The following CCR5AS variants were observed in gnomAD, a reference collection of about 807,000 sequenced individuals.
The protein encoded by CCR5AS is CCR5 antisense RNA.
intron 3 of CCR5AS, among the ~76,000 whole-genome samples, chr3:46,368,881 G>C (rs1236388039): frequency 1.3e-5 from 2 of 152,152 alleles, no homozygotes; most frequent in Non-Finnish European, 2.9e-5. Context: ...AGCTCTGCAT[G>C]GTGAAAGTAA....
chr3:46,374,246 C>T lies in CCR5AS; in HGVS notation n.392-2829G>A, dbSNP rs570782804. ...TTATTGACAAACTCTCCCTTCACTCCGAAAGTTCCTTATGTATATTTAAAA... is the reference window on the plus strand; with the variant it reads ...TTATTGACAAACTCTCCCTTCACTCTGAAAGTTCCTTATGTATATTTAAAA... On this transcript the variant is annotated intron_variant and non_coding_transcript_variant, in intron 2 of 3. Transcript: ENST00000451485. 35 of 288,492 alleles carry T rather than the reference C, an allele frequency of 1.2e-4. No homozygotes were observed. In the South Asian group the frequency reaches 4.2e-3, roughly 35 times the overall value. 17.9% of individuals were successfully genotyped at this position (288,492 alleles called of 1,614,324 possible).
intron 3 of CCR5AS, among the ~76,000 whole-genome samples, chr3:46,367,546 T>A (rs1415755226): frequency 6.6e-6 from 1 of 152,154 alleles, no homozygotes; most frequent in Non-Finnish European, 1.5e-5. Context: ...ACAATGAGCA[T>A]GTGTTGGTTT....
At position 46,396,152 on chromosome 3, in the gene CCR5AS, A is replaced by G. The variant is rs1002178465; in HGVS notation, n.164-3100T>C. ...TAAAGGGAATATTTTTTAAATGAGG[A>G]TGCTACTTTGTGTATTAATTTTTAC... is the stretch of plus-strand genomic sequence containing the variant. On this transcript the variant is annotated intron_variant and non_coding_transcript_variant, in intron 1 of 3. Transcript: ENST00000451485. 3.3e-5 allele frequency among the ~76,000 whole-genome samples: 5 copies of G among 152,286 alleles called. No individual in the cohort carries two copies. The South Asian group carries it at 1.0e-3, about 32-fold the overall frequency.
chr3:46,386,125 A>C (rs111669359), intron 2 of CCR5AS, among the ~76,000 whole-genome samples: 20,345 of 151,892 alleles, frequency 0.13, 1,526 homozygotes, highest in Non-Finnish European at 0.15. Context: ...CATGTTCCCC[A>C]GGCTGGTCTT....
intron 2 of CCR5AS, chr3:46,372,977 G>A (rs759590067): frequency 5.0e-6 from 8 of 1,613,576 alleles, no homozygotes; most frequent in Admixed American, 1.7e-5. Flanking sequence ...AAATCAATGT[G>A]AAGCAAATCG....
chr3:46,366,764 A>T (rs907112694), intron 3 of CCR5AS, among the ~76,000 whole-genome samples: 1 of 152,228 alleles, frequency 6.6e-6, no homozygotes, highest in Admixed American at 6.5e-5. Context: ...CATAAGACTC[A>T]AGTGTCATTG....
intron 3 of CCR5AS, chr3:46,370,825 T>C (rs200298802): frequency 1.7e-4 from 26 of 152,206 alleles, no homozygotes; most frequent in African/African-American, 6.3e-4. Context: ...AAAGAAGAAC[T>C]GTTCTCTGAT....
chr3:46,373,119 G>T, intron 2 of CCR5AS: 1 of 1,614,104 alleles, frequency 6.2e-7, no homozygotes, highest in Non-Finnish European at 8.5e-7. Flanking sequence ...GCTCAACCTG[G>T]CCATCTCTGA....
chr3:46,365,392 G>A (rs1327210899), intron 3 of CCR5AS, among the ~76,000 whole-genome samples: 1 of 152,146 alleles, frequency 6.6e-6, no homozygotes, highest in Non-Finnish European at 1.5e-5. Flanking sequence ...AGCATTTTTA[G>A]CAATACAATA....
At chr3:46,379,319 A>G (rs1701792519) in intron 2 of CCR5AS, among the ~76,000 whole-genome samples, 1 of 151,708 alleles carries the variant, frequency 6.6e-6, no homozygotes, top group Non-Finnish European at 1.5e-5. Flanking sequence ...ATGGTTTCCA[A>G]TTTCATCCAT....
chr3:46,395,354 A>C (rs1252894286), intron 1 of CCR5AS, among the ~76,000 whole-genome samples: 1 of 152,144 alleles, frequency 6.6e-6, no homozygotes. Context: ...CTGGGGTCAC[A>C]GGCAGTGGAT....
intron 3 of CCR5AS, among the ~76,000 whole-genome samples, chr3:46,369,984 G>T (rs1000545693): frequency 6.6e-6 from 1 of 152,124 alleles, no homozygotes. Flanking sequence ...CTTGTGGCTC[G>T]GGAGTAGCTC....
chr3:46,384,693 A>G (rs1487342043), intron 2 of CCR5AS, among the ~76,000 whole-genome samples: 2 of 152,164 alleles, frequency 1.3e-5, no homozygotes, highest in Admixed American at 6.6e-5. Context: ...GCTGCAGTTG[A>G]ATAAGGATTA....
chr3:46,373,938 C>A (rs1377266303), intron 2 of CCR5AS: 1 of 1,572,314 alleles, frequency 6.4e-7, no homozygotes, highest in Non-Finnish European at 8.7e-7. Flanking sequence ...CACTGGGGAG[C>A]AGGAAATATC....
At chr3:46,368,145 C>T (rs3136536) in intron 3 of CCR5AS, among the ~76,000 whole-genome samples, 7,154 of 152,204 alleles carry the variant, frequency 0.047, 542 homozygotes, top group African/African-American at 0.16. Context: ...AACATAGGTG[C>T]AGTGACTAGA....
intron 2 of CCR5AS, among the ~76,000 whole-genome samples, chr3:46,392,392 A>T (rs1417975840): frequency 6.6e-6 from 1 of 152,172 alleles, no homozygotes; most frequent in Non-Finnish European, 1.5e-5. Flanking sequence ...AGGCTAAGGG[A>T]GAAGAAGGGG....
At chr3:46,381,191 GA>G (rs1701813496) in intron 2 of CCR5AS, among the ~76,000 whole-genome samples, 1 of 152,180 alleles carries the variant, frequency 6.6e-6, no homozygotes, top group Non-Finnish European at 1.5e-5. Context: ...ATTCAATAGA[GA>G]AGAAGTCTCT....
At chr3:46,392,803 A>G in intron 2 of CCR5AS, 1 of 184,556 alleles carries the variant, frequency 5.4e-6, no homozygotes, top group South Asian at 1.1e-4. Context: ...AGGCTGAAGA[A>G]GAGAGTGAGG....
At chr3:46,395,697 A>G (rs758007647) in intron 1 of CCR5AS, among the ~76,000 whole-genome samples, 6 of 152,016 alleles carry the variant, frequency 3.9e-5, no homozygotes, top group Non-Finnish European at 5.9e-5. Flanking sequence ...GAAAAGCACA[A>G]CTTCTGCCCC....
Sources: gnomAD v4.1 joint callset for allele counts (sites outside exome capture counted in the v4.1 genomes callset) on GRCh38, gnomAD v4.1.1 for gene constraint, MANE v1.5 for transcripts, NCBI Gene and HGNC (gene_info 2026-07-23, HGNC 2026-07-21) for gene names.